Variants in PTPN21 observed in about 807,000 individuals in gnomAD.
PTPN21 encodes the protein protein tyrosine phosphatase non-receptor type 21.
PTPN21 carries 77 observed loss-of-function variants against 131.8 expected under a neutral mutation model. The observed-to-expected ratio is 0.58, with a 90% CI of 0.49 to 0.71. The LOEUF is 0.71. Among genes scored for constraint, PTPN21 ranks in the 30% least tolerant of loss-of-function variants. The probability of loss-of-function intolerance (pLI) is 0.00; values close to 1 mark genes in which losing one functional copy is unlikely to be tolerated. For synonymous variants in PTPN21, 715 were observed against 621.3 expected, an observed-to-expected ratio of 1.15 and a Z score of -2.24; for missense variants, 1,552 against 1,527.1, an observed-to-expected ratio of 1.02 and a Z score of -0.27.
chr14:88,483,235 G>A (rs900166338), intron 12 of PTPN21, among the ~76,000 whole-genome samples: 3 of 150,152 alleles, frequency 2.0e-5, no homozygotes, highest in Non-Finnish European at 4.4e-5. Context: ...AAAAAAGTCA[G>A]TGAGAAAAGA....
chr14:88,535,716 T>A (rs1175501777), intron 2 of PTPN21, among the ~76,000 whole-genome samples: 1 of 152,190 alleles, frequency 6.6e-6, no homozygotes, highest in African/African-American at 2.4e-5. Context: ...CAAATAACAG[T>A]CAAACTAATT....
intron 13 of PTPN21, among the ~76,000 whole-genome samples, chr14:88,476,948 T>TCCCC (rs2077554992): frequency 6.6e-6 from 1 of 152,122 alleles, no homozygotes; most frequent in East Asian, 1.9e-4. Flanking sequence ...ATTCAAAACA[T>TCCCC]ACAGGGATAA....
intron 2 of PTPN21, among the ~76,000 whole-genome samples, chr14:88,524,042 C>A (rs948755841): frequency 6.6e-6 from 1 of 152,070 alleles, no homozygotes; most frequent in African/African-American, 2.4e-5. Flanking sequence ...TGTTAAGGTG[C>A]AGTACTACCC....
At chr14:88,527,442 T>C (rs1006923747) in intron 2 of PTPN21, among the ~76,000 whole-genome samples, 20 of 152,306 alleles carry the variant, frequency 1.3e-4, no homozygotes, top group African/African-American at 4.6e-4. Flanking sequence ...TTCTGGGCCA[T>C]TTGTATATCT....
chr14:88,528,837 T>C (rs2082410196), intron 2 of PTPN21, among the ~76,000 whole-genome samples: 1 of 152,196 alleles, frequency 6.6e-6, no homozygotes, highest in South Asian at 2.1e-4. Context: ...GAAAACAGAC[T>C]AAAACATTTA....
At chr14:88,547,662 A>G (rs930796861) in intron 2 of PTPN21, 5 of 455,656 alleles carry the variant, frequency 1.1e-5, no homozygotes, top group South Asian at 3.1e-5. Context: ...CTAAAAAAGA[A>G]TAAATGCAAG....
intron 2 of PTPN21, among the ~76,000 whole-genome samples, chr14:88,520,340 G>A (rs1306061289): frequency 6.6e-6 from 1 of 151,742 alleles, no homozygotes; most frequent in Non-Finnish European, 1.5e-5. Context: ...CCAGGAGGTA[G>A]ACAGAGGCTG....
At chr14:88,480,477 A>G (rs1218437965) in intron 12 of PTPN21, 125 bp from the exon 13 acceptor site, 2 of 787,484 alleles carry the variant, frequency 2.5e-6, no homozygotes, top group Non-Finnish European at 4.0e-6. Context: ...CGCTAGAATG[A>G]CCTAGCTTTA....
intron 3 of PTPN21, chr14:88,514,936 A>G (rs1345980284): frequency 2.0e-5 from 3 of 152,174 alleles, no homozygotes; most frequent in Non-Finnish European, 4.4e-5. Context: ...CAACTGCAAA[A>G]GTTTCCTTGC....
chr14:88,479,839 C>T lies in PTPN21; in HGVS notation c.1592G>A (p.Arg531Gln), dbSNP rs757365875. 3 of 1,552,758 alleles carry T rather than the reference C, an allele frequency of 1.9e-6. No homozygotes were observed. The highest frequency in any genetic ancestry group is 1.8e-5 in the Admixed American group (1 of 56,506). The change falls in exon 13 of 19, where the codon CGG becomes CAG. Residue 531 changes from arginine (R) to glutamine (Q), a missense_variant. Around this residue, in one of 4 missense-constraint regions of PTPN21, gnomAD observed 1,016 missense variants for 883.5 expected, o/e 1.15. Coordinates refer to ENST00000556564, the MANE Select transcript of PTPN21 (RefSeq NM_007039.4). ...PSPYPYPAER[R>Q]PVVGAVSVPE... ...CACGCTGACCGCGCCCACCACGGGC[C>T]GCCGCTCGGCAGGGTAGGGGTAGGG...
chr14:88,522,422 T>TCC (rs2078409167), intron 2 of PTPN21, among the ~76,000 whole-genome samples: 1 of 126,478 alleles, frequency 7.9e-6, no homozygotes, highest in Admixed American at 9.0e-5. Flanking sequence ...AGAGCAAGAC[T>TCC]GTCTCAAAAA....
intron 6 of PTPN21, among the ~76,000 whole-genome samples, chr14:88,502,258 A>G (rs1418249195): frequency 6.6e-6 from 1 of 152,030 alleles, no homozygotes; most frequent in Admixed American, 6.5e-5. Context: ...CAGATAGAAT[A>G]TGTTCCCTAG....
At chr14:88,524,213 C>G (rs2078442247) in intron 2 of PTPN21, among the ~76,000 whole-genome samples, 1 of 152,130 alleles carries the variant, frequency 6.6e-6, no homozygotes, top group Admixed American at 6.5e-5. Context: ...CTCACACTTC[C>G]TTGTTTCAAA....
chr14:88,545,275 C>A (rs910734820), intron 2 of PTPN21, among the ~76,000 whole-genome samples: 3 of 152,216 alleles, frequency 2.0e-5, no homozygotes, highest in African/African-American at 7.2e-5. Flanking sequence ...ATACCTGGGA[C>A]CCTTGGCAGT....
At chr14:88,476,152 C>G (rs2077544213) in intron 13 of PTPN21, among the ~76,000 whole-genome samples, 1 of 152,172 alleles carries the variant, frequency 6.6e-6, no homozygotes, top group Non-Finnish European at 1.5e-5. Flanking sequence ...GTTTATTTCA[C>G]TGTTTTTAAT....
rs1005045488 is a variant in PTPN21, at chr14:88,469,666, T to C, written c.3068A>G (p.Tyr1023Cys). Residue 1023 changes from tyrosine (Y) to cysteine (C), a missense_variant, in exon 17 of 19, where the codon TAT (tyrosine) becomes TGT (cysteine). Physicochemically the swap from Tyr to Cys is radical, Grantham distance 194. Around this residue, in one of 4 missense-constraint regions of PTPN21, gnomAD observed 316 missense variants for 378.5 expected, o/e 0.83. Transcript: ENST00000556564. The surrounding 1 kb of genome is among the most constrained non-coding windows in gnomAD (Gnocchi z 4.3). ...RLGSRHNTVTYGRFKITTRFR... is the reference protein window; with the variant it reads ...RLGSRHNTVTCGRFKITTRFR... The stretch of plus-strand genomic sequence containing the variant: ...CCGGGTCGTGATCTTAAACCTTCCA[T>C]AGGTGACAGTGTTGTGCCTGGAACC... The C allele has an allele frequency of 1.9e-6, 3 of 1,614,168 alleles. No individual in the cohort carries two copies. Among genetic ancestry groups the C allele is most frequent in the Admixed American group, 1.7e-5 (1 of 60,022 alleles).
At chr14:88,485,986 A>C (rs2077725941) in intron 10 of PTPN21, 144 bp from the exon 11 acceptor site, 1 of 602,456 alleles carries the variant, frequency 1.7e-6, no homozygotes, top group Admixed American at 3.0e-5. Flanking sequence ...AAAGAAAAGA[A>C]GGGAGGTTCT....
intron 10 of PTPN21, among the ~76,000 whole-genome samples, 177 bp from the exon 11 acceptor site, chr14:88,486,019 C>T (rs1198818917): frequency 6.6e-6 from 1 of 152,166 alleles, no homozygotes; most frequent in Admixed American, 6.5e-5. Flanking sequence ...GGGGCCTCAG[C>T]CCTTTCCTGC....
At chr14:88,495,183 C>T (rs1595368152) in intron 10 of PTPN21, among the ~76,000 whole-genome samples, 1 of 152,110 alleles carries the variant, frequency 6.6e-6, no homozygotes, top group South Asian at 2.1e-4. Context: ...GTAGTGGCAG[C>T]CAGCACTAAG....
Sources: gnomAD v4.1 joint callset for allele counts (sites outside exome capture counted in the v4.1 genomes callset) on GRCh38, gnomAD v4.1.1 for gene constraint, gnomAD v4.1.1 regional missense constraint, Gnocchi (gnomAD v3.1) non-coding constraint, MANE v1.5 for transcripts, NCBI Gene and HGNC (gene_info 2026-07-23, HGNC 2026-07-21) for gene names.